ANKRD30B: variants seen among roughly 807,000 people sequenced by gnomAD.
The protein encoded by ANKRD30B is ankyrin repeat domain 30B.
In ANKRD30B, 144 loss-of-function variants were observed where a neutral mutation model predicts 202.2. That is an observed-to-expected ratio of 0.71 (90% CI 0.62 to 0.82). The LOEUF is 0.82. ANKRD30B is among the 40% of genes least tolerant of loss of function. The probability of loss-of-function intolerance (pLI) is 0.00; values close to 1 mark genes in which losing one functional copy is unlikely to be tolerated. For synonymous variants in ANKRD30B, 508 were observed against 561.3 expected, an observed-to-expected ratio of 0.91 and a Z score of 1.34; for missense variants, 1,487 against 1,669.1, an observed-to-expected ratio of 0.89 and a Z score of 1.90.
At chr18:14,909,453 G>C in the ANKRD30B span, among the ~76,000 whole-genome samples, 2 of 152,174 alleles carry the variant, frequency 1.3e-5, no homozygotes, top group African/African-American at 4.8e-5. Context: ...TGTGGCTCAG[G>C]CTGGAGTGCA....
the ANKRD30B span, among the ~76,000 whole-genome samples, chr18:14,933,318 G>C: frequency 6.6e-6 from 1 of 152,188 alleles, no homozygotes; most frequent in Non-Finnish European, 1.5e-5. Flanking sequence ...TGACCTCCTA[G>C]AGAGGAGGCT....
At chr18:14,777,938 CAAAA>C (rs1015622341) in intron 9 of ANKRD30B, 43 bp from the exon 10 acceptor site, 10 of 1,419,394 alleles carry the variant, frequency 7.0e-6, no homozygotes, top group Non-Finnish European at 9.6e-6. Context: ...CTCAAAAAAA[CAAAA>C]AAAGGAAAAA....
At chr18:14,870,461 T>C in the ANKRD30B span, among the ~76,000 whole-genome samples, 1 of 152,182 alleles carries the variant, frequency 6.6e-6, no homozygotes, top group African/African-American at 2.4e-5. Flanking sequence ...CTTTTGAGGT[T>C]ACCCACGGGA....
At chr18:14,798,971 C>CA in intron 20 of ANKRD30B, 130 bp from the exon 21 acceptor site, 1 of 1,026,310 alleles carries the variant, frequency 9.7e-7, no homozygotes. Flanking sequence ...CAAAAGACCC[C>CA]AAAACCTAGT....
At chr18:14,900,956 AT>A in the ANKRD30B span, among the ~76,000 whole-genome samples, 15 of 152,282 alleles carry the variant, frequency 9.9e-5, no homozygotes, top group African/African-American at 3.6e-4. Flanking sequence ...GAAATAAATA[AT>A]TTTTTAAGCC....
chr18:14,925,610 C>T, the ANKRD30B span, among the ~76,000 whole-genome samples: 380 of 152,360 alleles, frequency 2.5e-3, 3 homozygotes, highest in African/African-American at 7.6e-3. Flanking sequence ...TTGTGGCCAG[C>T]TCTGAGGGAA....
chr18:14,823,664 C>T (rs12971273), intron 32 of ANKRD30B, among the ~76,000 whole-genome samples: 19,259 of 152,004 alleles, frequency 0.13, 1,458 homozygotes, highest in East Asian at 0.27. Context: ...GTTGTCATTC[C>T]CATGCATGTT....
intron 24 of ANKRD30B, chr18:14,808,338 C>T (rs779165507): frequency 8.6e-6 from 5 of 580,762 alleles, no homozygotes; most frequent in African/African-American, 1.9e-5. Flanking sequence ...CTTCATAGCA[C>T]GTTTGATGAA....
the ANKRD30B span, among the ~76,000 whole-genome samples, chr18:14,866,478 G>A: frequency 6.6e-6 from 1 of 152,132 alleles, no homozygotes; most frequent in East Asian, 1.9e-4. Flanking sequence ...TAGGAGGGTG[G>A]CTGGCAGCTG....
chr18:14,755,806 T>C (rs1404675561), intron 4 of ANKRD30B, among the ~76,000 whole-genome samples: 1 of 152,116 alleles, frequency 6.6e-6, no homozygotes, highest in African/African-American at 2.4e-5. Context: ...TCTATCATTG[T>C]TGGACATTTG....
At chr18:14,774,407 T>C (rs1237900829) in intron 9 of ANKRD30B, among the ~76,000 whole-genome samples, 1 of 152,196 alleles carries the variant, frequency 6.6e-6, no homozygotes, top group Non-Finnish European at 1.5e-5. Flanking sequence ...TCTCACAGAA[T>C]ACATTTCTTC....
chr18:14,808,348 A>T (rs1214725912), intron 24 of ANKRD30B: 2 of 611,948 alleles, frequency 3.3e-6, no homozygotes, highest in Non-Finnish European at 6.1e-6. Flanking sequence ...CGTTTGATGA[A>T]ATTTATTTTT....
chr18:14,790,445 A>G lies in ANKRD30B; in HGVS notation c.1735-956A>G, dbSNP rs1333239932. Among the ~76,000 whole-genome samples, 5 of 152,214 alleles carry G rather than the reference A, an allele frequency of 3.3e-5. No individual in the cohort carries two copies. The East Asian group carries it at 9.6e-4, about 29-fold the overall frequency. On this transcript the variant is annotated intron_variant, in intron 15 of 43. Transcript: ENST00000690538. ...CACTATGTTGATTAGGAGTGCTAAGAGAGGGCATCCCTGTCTTATGCCAGT... is the reference window on the plus strand; with the variant it reads ...CACTATGTTGATTAGGAGTGCTAAGGGAGGGCATCCCTGTCTTATGCCAGT...
chr18:14,772,994 T>G (rs1967112056), intron 9 of ANKRD30B, among the ~76,000 whole-genome samples: 1 of 152,132 alleles, frequency 6.6e-6, no homozygotes, highest in Non-Finnish European at 1.5e-5. Context: ...TAAATTCTGT[T>G]TCTCAGAATC....
intron 6 of ANKRD30B, among the ~76,000 whole-genome samples, chr18:14,760,938 T>C (rs1915160514): frequency 6.6e-6 from 1 of 152,200 alleles, no homozygotes; most frequent in Admixed American, 6.5e-5. Context: ...TAAGTTTGTA[T>C]ATTGTTTGAT....
the ANKRD30B span, chr18:14,910,218 G>C: frequency 6.6e-6 from 1 of 151,958 alleles, no homozygotes; most frequent in Non-Finnish European, 1.5e-5. Context: ...GGCTGTTTTT[G>C]TTCCTCACCC....
At chr18:14,889,971 C>T in the ANKRD30B span, 6 of 833,584 alleles carry the variant, frequency 7.2e-6, no homozygotes, top group African/African-American at 3.5e-5. Context: ...TAAGCCTAAG[C>T]GATCAATTAT....
Position 14,772,177 on chromosome 18 carries a change from T to C in ANKRD30B, c.1278T>C (p.Ile426=), listed in dbSNP as rs376111997. 2.5e-4 allele frequency: 375 copies of C among 1,505,722 alleles called. 3 individuals are homozygous for C. In the Middle Eastern group the frequency reaches 5.1e-3, roughly 21 times the overall value. 93.3% of individuals were successfully genotyped at this position (1,505,722 alleles called of 1,614,324 possible). ...PIFSLFGTRT[I]ENSQCTKVEE... is the part of the protein sequence containing the mutation. ...AAAGTCTTTTTGGCACACGGACTAT[T>C]GAAAATTCACAGTGTACAAAAGTTG... Residue 426 remains isoleucine, a synonymous_variant, in exon 9 of 44, where the codon ATT becomes ATC. Coordinates refer to ENST00000690538, the MANE Select transcript of ANKRD30B (RefSeq NM_001367607.2).
At chr18:14,757,594 C>T (rs574435382) in intron 4 of ANKRD30B, among the ~76,000 whole-genome samples, 3 of 152,190 alleles carry the variant, frequency 2.0e-5, no homozygotes, top group South Asian at 2.1e-4. Flanking sequence ...ATTCCTTGCC[C>T]CTCAAGGGAC....
Sources: allele counts gnomAD v4.1 joint callset (sites outside exome capture counted in the v4.1 genomes callset), GRCh38; gene constraint gnomAD v4.1.1; transcripts MANE v1.5; gene names NCBI Gene and HGNC (gene_info 2026-07-23, HGNC 2026-07-21).